Variants in TRAK2 observed in about 807,000 individuals in gnomAD.
TRAK2 encodes the protein trafficking kinesin-binding protein 2.
TRAK2 carries 81 observed loss-of-function variants against 104.6 expected under a neutral mutation model. The observed-to-expected ratio is 0.77, with a 90% CI of 0.65 to 0.93. The LOEUF (loss-of-function observed/expected upper bound fraction) is 0.93. Among genes scored for constraint, TRAK2 ranks in the 40% least tolerant of loss-of-function variants. The probability of loss-of-function intolerance (pLI) is 0.00; values close to 1 mark genes in which losing one functional copy is unlikely to be tolerated. For synonymous variants in TRAK2, 406 were observed against 394.4 expected, an observed-to-expected ratio of 1.03 and a Z score of -0.35; for missense variants, 1,002 against 1,089.0, an observed-to-expected ratio of 0.92 and a Z score of 1.12.
chr2:201,425,898 A>C (rs1951783880), intron 1 of TRAK2, among the ~76,000 whole-genome samples: 1 of 152,164 alleles, frequency 6.6e-6, no homozygotes, highest in Admixed American at 6.5e-5. Context: ...CACTGCGAAA[A>C]TCTAATGATA....
At chr2:201,409,088 C>T (rs1951621561) in intron 2 of TRAK2, among the ~76,000 whole-genome samples, 1 of 152,120 alleles carries the variant, frequency 6.6e-6, no homozygotes, top group African/African-American at 2.4e-5. Context: ...GGTCTGAGTC[C>T]TGACTCTGCA....
At chr2:201,389,945 T>A (rs968707565) in intron 10 of TRAK2, 65 bp from the exon 11 acceptor site, 12 of 1,255,660 alleles carry the variant, frequency 9.6e-6, no homozygotes, top group Non-Finnish European at 1.3e-5. Flanking sequence ...GTCTCTACAA[T>A]CCTATACTTT....
intron 15 of TRAK2, among the ~76,000 whole-genome samples, chr2:201,382,061 G>GTTAT (rs1951350100): frequency 6.6e-6 from 1 of 152,126 alleles, no homozygotes; most frequent in African/African-American, 2.4e-5. Context: ...CCCCAGCTGG[G>GTTAT]TTATTAGTTG....
intron 2 of TRAK2, chr2:201,413,400 G>GC (rs780746738): frequency 1.5e-4 from 82 of 557,218 alleles, no homozygotes; most frequent in Non-Finnish European, 2.4e-4. Context: ...CCTAAACACA[G>GC]GCTGTTCCTG....
intron 1 of TRAK2, among the ~76,000 whole-genome samples, chr2:201,434,406 A>C (rs1051545410): frequency 1.3e-5 from 2 of 152,094 alleles, no homozygotes; most frequent in Non-Finnish European, 2.9e-5. Context: ...ATACCTCAAA[A>C]CTATGCACAT....
chr2:201,438,801 T>C (rs1295974105), intron 1 of TRAK2, among the ~76,000 whole-genome samples: 1 of 152,238 alleles, frequency 6.6e-6, no homozygotes, highest in Non-Finnish European at 1.5e-5. Context: ...ATGACTTATC[T>C]GGTTCCAGAG....
At chr2:201,385,455 T>C (rs1012543124) in intron 14 of TRAK2, among the ~76,000 whole-genome samples, 4 of 151,986 alleles carry the variant, frequency 2.6e-5, no homozygotes, top group Non-Finnish European at 2.9e-5. Flanking sequence ...GGATTACAGG[T>C]GTGAGCTACC....
intron 2 of TRAK2, chr2:201,413,169 C>T: frequency 6.7e-7 from 1 of 1,494,692 alleles, no homozygotes; most frequent in South Asian, 1.2e-5. Context: ...AAAAATCTTC[C>T]AAGCTAGCCC....
At chr2:201,426,272 G>A (rs12621695) in intron 1 of TRAK2, among the ~76,000 whole-genome samples, 74,121 of 151,964 alleles carry the variant, frequency 0.49, 19,601 homozygotes, top group South Asian at 0.63. Context: ...TGTGAACTGC[G>A]CGTGCGAGGG....
At position 201,416,176 on chromosome 2, in the gene TRAK2, C is replaced by T. The variant is rs184603996; in HGVS notation, c.91+4241G>A. ...GTCAAGGTGAAAGGACTGCTTGAGC[C>T]CAGGAGTTCAAGACCAGCTTGGCAA... On this transcript the variant is annotated intron_variant, in intron 2 of 15. Coordinates refer to ENST00000332624, the MANE Select transcript of TRAK2 (RefSeq NM_015049.3). 3.3e-4 allele frequency among the ~76,000 whole-genome samples: 49 copies of T among 149,360 alleles called. No individual in the cohort carries two copies. The East Asian group carries it at 5.9e-3, about 18-fold the overall frequency.
At position 201,420,788 on chromosome 2, in the gene TRAK2, A is replaced by G. The variant is rs1951734252; in HGVS notation, c.-199-82T>C. 3 of 295,562 alleles carry G rather than the reference A, an allele frequency of 1.0e-5. No individual in the cohort carries two copies. In the Admixed American group the frequency reaches 1.4e-4, roughly 14 times the overall value. 18.3% of individuals were successfully genotyped at this position (295,562 alleles called of 1,614,324 possible). ...TAATTAATCAAAATGTCCATCATGA[A>G]AAATGTTTTTCTAATGATTCATACA... On this transcript the variant is annotated intron_variant, in intron 1 of 15. Coordinates refer to ENST00000332624, the MANE Select transcript of TRAK2 (RefSeq NM_015049.3).
At chr2:201,416,053 G>C (rs1951689405) in intron 2 of TRAK2, among the ~76,000 whole-genome samples, 1 of 151,746 alleles carries the variant, frequency 6.6e-6, no homozygotes, top group South Asian at 2.1e-4. Context: ...TGGACAAAAA[G>C]CCAATTTAGA....
At chr2:201,381,303 T>C (rs1951343110) in intron 15 of TRAK2, 85 bp from the exon 16 acceptor site, 2 of 1,242,470 alleles carry the variant, frequency 1.6e-6, no homozygotes, top group East Asian at 2.5e-5. Flanking sequence ...ATTATAGTAG[T>C]TATCCTTGGT....
chr2:201,426,963 C>T (rs1466898942), intron 1 of TRAK2, among the ~76,000 whole-genome samples: 1 of 152,142 alleles, frequency 6.6e-6, no homozygotes, highest in Admixed American at 6.5e-5. Flanking sequence ...GCTTTTCTGA[C>T]CTTAGGCCCA....
rs373019197 is a variant in TRAK2 at position 201,401,110 on chromosome 2, A to G, written c.287-16T>C. 64 of 1,563,966 alleles carry G rather than the reference A, an allele frequency of 4.1e-5. No individual in the cohort carries two copies. The African/African-American group carries it at 7.6e-4, about 19-fold the overall frequency. On this transcript the variant is annotated splice_polypyrimidine_tract_variant and intron_variant, in intron 3 of 15. Transcript: ENST00000332624. ...GTGCCTAGAACTAATATAGTTAAAA[A>G]CAACTATTTATAGGCTTTAGCAATA... is the stretch of plus-strand genomic sequence containing the variant.
chr2:201,412,281 T>C (rs138614427), intron 2 of TRAK2: 3 of 1,183,960 alleles, frequency 2.5e-6, no homozygotes, highest in Non-Finnish European at 3.8e-6. Flanking sequence ...GAAGATTATC[T>C]CTTTGGAATA....
At chr2:201,396,658 A>T (rs1951505484) in intron 7 of TRAK2, among the ~76,000 whole-genome samples, 1 of 152,194 alleles carries the variant, frequency 6.6e-6, no homozygotes, top group African/African-American at 2.4e-5. Flanking sequence ...TAAGTATAAT[A>T]AGGGTTACCT....
At chr2:201,388,365 T>C (rs375320230) in intron 12 of TRAK2, among the ~76,000 whole-genome samples, 10 of 152,070 alleles carry the variant, frequency 6.6e-5, no homozygotes, top group African/African-American at 1.9e-4. Flanking sequence ...TTGCAAGAGG[T>C]ACCATTATTT....
chr2:201,416,676 A>G (rs1951694393), intron 2 of TRAK2, among the ~76,000 whole-genome samples: 1 of 152,158 alleles, frequency 6.6e-6, no homozygotes, highest in African/African-American at 2.4e-5. Flanking sequence ...AGGCATAGTA[A>G]TAATAATATG....
Sources: allele counts gnomAD v4.1 joint callset (sites outside exome capture counted in the v4.1 genomes callset), GRCh38; gene constraint gnomAD v4.1.1; transcripts MANE v1.5; gene names NCBI Gene and HGNC (gene_info 2026-07-23, HGNC 2026-07-21).